APAF1: variants seen among roughly 807,000 people sequenced by gnomAD.
APAF1 encodes apoptotic protease-activating factor 1.
In APAF1, 91 loss-of-function variants were observed where a neutral mutation model predicts 152.4. The ratio of observed to expected loss-of-function variants is 0.60; its 90% CI spans 0.50 to 0.71. The LOEUF is 0.71. Among genes scored for constraint, APAF1 ranks in the 30% least tolerant of loss-of-function variants. The pLI, the probability that APAF1 is intolerant of heterozygous loss-of-function variation, is 0.00. For missense variants in APAF1, 1,283 were observed against 1,472.0 expected (o/e 0.87, Z 2.10); for synonymous variants, 484 against 494.1 (o/e 0.98, Z 0.27).
At chr12:98,700,430 G>A (rs1468882199) in intron 17 of APAF1, among the ~76,000 whole-genome samples, 3 of 152,160 alleles carry the variant, frequency 2.0e-5, no homozygotes, top group Non-Finnish European at 4.4e-5. Flanking sequence ...GAGGGATCAT[G>A]TATATGATTG....
intron 4 of APAF1, among the ~76,000 whole-genome samples, chr12:98,655,820 G>C (rs2097656727): frequency 6.7e-6 from 1 of 149,866 alleles, no homozygotes; most frequent in African/African-American, 2.5e-5. Context: ...GTCTCACTCT[G>C]TCGCCCAGGT....
At chr12:98,653,679 AAAAAAAAAAAAAATATATATATAT>A (rs2097651996) in intron 4 of APAF1, among the ~76,000 whole-genome samples, 3 of 59,940 alleles carry the variant, frequency 5.0e-5, no homozygotes, top group African/African-American at 1.6e-4. Flanking sequence ...AAAAAAAAAA[AAAAAAAAAAAAAATATATATATAT>A]ATATATATAT....
intron 26 of APAF1, among the ~76,000 whole-genome samples, chr12:98,727,851 G>A (rs886416363): frequency 7.2e-5 from 11 of 151,988 alleles, no homozygotes; most frequent in African/African-American, 2.7e-4. Flanking sequence ...TGAGGCAGGA[G>A]AATCGCTTGA....
At chr12:98,646,710 A>G (rs1234255597) in intron 1 of APAF1, among the ~76,000 whole-genome samples, 1 of 152,236 alleles carries the variant, frequency 6.6e-6, no homozygotes, top group Non-Finnish European at 1.5e-5. Flanking sequence ...CACTCTATAC[A>G]TTGTGTAAAG....
At chr12:98,688,542 G>A (rs1382010567) in intron 16 of APAF1, among the ~76,000 whole-genome samples, 2 of 148,164 alleles carry the variant, frequency 1.3e-5, no homozygotes, top group East Asian at 3.9e-4. Flanking sequence ...TACCATCATG[G>A]CTCACTGCAG....
intron 13 of APAF1, 150 bp downstream of exon 13, chr12:98,677,701 C>T: frequency 1.0e-6 from 1 of 976,704 alleles, no homozygotes; most frequent in Admixed American, 2.5e-5. Context: ...AAAGGTTTCT[C>T]TAGAGATTTA....
At chr12:98,684,321 C>T (rs145757678) in intron 15 of APAF1, among the ~76,000 whole-genome samples, 268 of 151,946 alleles carry the variant, frequency 1.8e-3, no homozygotes, top group African/African-American at 6.2e-3. Context: ...AGAGTTAAAG[C>T]TTGCTGCTCT....
Position 98,672,723 on chromosome 12 carries a change from A to C in APAF1, c.1793+1004A>C, listed in dbSNP as rs181407735. On this transcript the variant is annotated intron_variant, in intron 12 of 26. Coordinates refer to ENST00000551964, the MANE Select transcript of APAF1 (RefSeq NM_181861.2). ...GTTATTCTATTTAATCTTCAAAACAAGTTTATAAGGTAAATTTTATTTTTA... is the reference window on the plus strand; with the variant it reads ...GTTATTCTATTTAATCTTCAAAACACGTTTATAAGGTAAATTTTATTTTTA... Among the ~76,000 whole-genome samples the C allele has an allele frequency of 4.8e-3, 737 of 151,972 alleles. 12 individuals carry two copies. The highest frequency in any genetic ancestry group is 1.5e-3 in the Non-Finnish European group (104 of 67,942).
chr12:98,726,664 A>G (rs1212026485), intron 25 of APAF1: 1 of 154,916 alleles, frequency 6.5e-6, no homozygotes, highest in Non-Finnish European at 1.4e-5. Flanking sequence ...CTTTGGATGA[A>G]AGTGCTCCTT....
intron 16 of APAF1, among the ~76,000 whole-genome samples, chr12:98,696,695 C>T (rs2097710325): frequency 6.6e-6 from 1 of 151,992 alleles, no homozygotes; most frequent in South Asian, 2.1e-4. Flanking sequence ...GGGGTTTCAC[C>T]ATGTTGCCCA....
chr12:98,723,312 G>T lies in APAF1; in HGVS notation c.3204G>T (p.Lys1068Asn). ...CTTGGTCATTTGATGGAACAGTGAA[G>T]GTAATTTAAAGTATAAATTTGTTTT... is the stretch of plus-strand genomic sequence containing the variant. ...LLSWSFDGTV[K>N]VWNIITGNKE... Residue 1068 changes from lysine (K) to asparagine (N), a missense_variant and splice_region_variant, in exon 23 of 27, where the codon AAG becomes AAT. Lys to Asn is a moderately conservative substitution (Grantham distance 94). Transcript: ENST00000551964. 2 of 1,613,114 alleles carry T rather than the reference G, an allele frequency of 1.2e-6. No individual in the cohort carries two copies. Among genetic ancestry groups the T allele is most frequent in the South Asian group, 2.2e-5 (2 of 90,976 alleles).
At chr12:98,654,785 GT>G (rs2153309637) in intron 4 of APAF1, among the ~76,000 whole-genome samples, 2 of 123,364 alleles carry the variant, frequency 1.6e-5, no homozygotes, top group African/African-American at 6.0e-5. Context: ...GTCTGTTTTT[GT>G]TTGTTTAAAT....
chr12:98,676,686 G>A (rs1478361468), intron 12 of APAF1, among the ~76,000 whole-genome samples: 4 of 140,214 alleles, frequency 2.9e-5, no homozygotes, highest in South Asian at 2.3e-4. Flanking sequence ...TTGCTCTGTC[G>A]CCCAGGCTGG....
rs112860087 is a variant in APAF1 at position 98,704,677 on chromosome 12, G to A, written c.2595+1178G>A. Among the ~76,000 whole-genome samples, 483 of 152,304 alleles carry A rather than the reference G, an allele frequency of 3.2e-3. 6 individuals carry two copies. The highest frequency in any genetic ancestry group is 0.011 in the African/African-American group (459 of 41,566). On this transcript the variant is annotated intron_variant, in intron 18 of 26. Coordinates refer to ENST00000551964, the MANE Select transcript of APAF1 (RefSeq NM_181861.2). ...CTCTTCCCATTGCACACAGAGGCAGGGAGTGTGAAAAAGCTCTAGTCCTGT... is the reference window on the plus strand; with the variant it reads ...CTCTTCCCATTGCACACAGAGGCAGAGAGTGTGAAAAAGCTCTAGTCCTGT...
rs754547312 is a variant in APAF1 at position 98,680,348 on chromosome 12, A to G, written c.1992A>G (p.Ala664=). 3.1e-6 allele frequency: 5 copies of G among 1,613,846 alleles called. No homozygotes were observed. The highest frequency in any genetic ancestry group is 4.2e-6 in the Non-Finnish European group (5 of 1,179,936). ...ATGAGGATGAAGTGCTTTGTTGTGC[A>G]TTCTCTACAGATGACAGATTTATAG... ...KAHEDEVLCC[A]FSTDDRFIAT... is the part of the protein sequence containing the mutation. Residue 664 remains alanine, a synonymous_variant, in exon 14 of 27, where the codon GCA becomes GCG. Coordinates refer to ENST00000551964, the MANE Select transcript of APAF1 (RefSeq NM_181861.2).
Position 98,649,555 on chromosome 12 carries a change from G to A in APAF1, c.397G>A (p.Val133Met), listed in dbSNP as rs2097646340. 1 of 1,614,024 alleles carries A rather than the reference G, an allele frequency of 6.2e-7. No homozygotes were observed. The highest frequency in any genetic ancestry group is 1.3e-5 in the African/African-American group (1 of 74,926). Reference protein sequence around the residue: ...PVVFVTRKKLVNAIQQKLSKL... With the variant: ...PVVFVTRKKLMNAIQQKLSKL... ...TGTTTTTGTCACAAGGAAGAAGCTG[G>A]TGAATGCAATTCAGCAGAAGCTCTC... The change falls in exon 4 of 27, where the codon GTG (valine) becomes ATG (methionine). Residue 133 changes from valine (V) to methionine (M), a missense_variant. Physicochemically the swap from Val to Met is conservative, Grantham distance 21. Coordinates refer to ENST00000551964, the MANE Select transcript of APAF1 (RefSeq NM_181861.2).
At chr12:98,704,252 C>CTTCT (rs2097718934) in intron 18 of APAF1, among the ~76,000 whole-genome samples, 1 of 152,084 alleles carries the variant, frequency 6.6e-6, no homozygotes, top group Non-Finnish European at 1.5e-5. Flanking sequence ...ACAGGTGTAT[C>CTTCT]ACCTTGCCTG....
chr12:98,732,658 CTTAA>C lies in APAF1; in HGVS notation c.*95_*98del, dbSNP rs571007553. ...CCTGATATCAACTTTTTATAAAGCT[CTTAA>C]TTGTTGTGCAGTATTGCATTCATTA... On this transcript the variant is annotated 3_prime_UTR_variant, in exon 27 of 27. Coordinates refer to ENST00000551964, the MANE Select transcript of APAF1 (RefSeq NM_181861.2). 1.1e-6 allele frequency: 1 copy of C among 876,082 alleles called. No homozygotes were observed. The allele number at this position is 876,082 out of a possible 1,614,324, so 54.3% of individuals were successfully genotyped here.
At chr12:98,679,829 G>T (rs545754266) in intron 13 of APAF1, among the ~76,000 whole-genome samples, 1 of 152,282 alleles carries the variant, frequency 6.6e-6, no homozygotes, top group Admixed American at 6.5e-5. Flanking sequence ...CAGTCAGCAC[G>T]TCTGTGCGCA....
Sources: gnomAD v4.1 joint callset for allele counts (sites outside exome capture counted in the v4.1 genomes callset) on GRCh38, gnomAD v4.1.1 for gene constraint, MANE v1.5 for transcripts, NCBI Gene and HGNC (gene_info 2026-07-23, HGNC 2026-07-21) for gene names.